Variants in PRUNE2 observed in about 807,000 individuals in gnomAD.
PRUNE2 encodes the protein protein prune homolog 2.
PRUNE2 carries 164 observed loss-of-function variants against 252.0 expected under a neutral mutation model. The ratio of observed to expected loss-of-function variants is 0.65; its 90% CI spans 0.57 to 0.74. The LOEUF (loss-of-function observed/expected upper bound fraction) is 0.74. Among genes scored for constraint, PRUNE2 ranks in the 30% least tolerant of loss-of-function variants. The probability of loss-of-function intolerance (pLI) is 0.00; values close to 1 mark genes in which losing one functional copy is unlikely to be tolerated. For synonymous variants in PRUNE2, 1,292 were observed against 1,350.2 expected (o/e 0.96, Z 0.94); for missense variants, 3,495 against 3,711.0 (o/e 0.94, Z 1.51).
chr9:76,711,745 C>A (rs2135031142), intron 7 of PRUNE2, among the ~76,000 whole-genome samples: 1 of 152,330 alleles, frequency 6.6e-6, no homozygotes, highest in African/African-American at 2.4e-5. Context: ...AATAAGGGGA[C>A]AATATCAGGA....
At chr9:76,642,301 A>G (rs1409350101) in intron 12 of PRUNE2, among the ~76,000 whole-genome samples, 2 of 152,240 alleles carry the variant, frequency 1.3e-5, no homozygotes, top group Non-Finnish European at 2.9e-5. Flanking sequence ...GTAATGTACC[A>G]AGGTTACAGA....
chr9:76,718,886 C>T (rs1390350200), intron 6 of PRUNE2, among the ~76,000 whole-genome samples: 1 of 152,194 alleles, frequency 6.6e-6, no homozygotes, highest in African/African-American at 2.4e-5. Context: ...AACCCAACAT[C>T]TAGGAATTAT....
chr9:76,683,064 C>G (rs2043647343), intron 9 of PRUNE2, among the ~76,000 whole-genome samples: 1 of 152,196 alleles, frequency 6.6e-6, no homozygotes, highest in South Asian at 2.1e-4. Context: ...ACCTCTATTC[C>G]CCTTTGGGGA....
At chr9:76,665,435 C>T (rs113584256) in intron 9 of PRUNE2, among the ~76,000 whole-genome samples, 2,826 of 152,240 alleles carry the variant, frequency 0.019, 89 homozygotes, top group African/African-American at 0.063. Context: ...GACCTCACCT[C>T]CTCCCCACAG....
chr9:76,713,432 C>T, intron 7 of PRUNE2, 131 bp downstream of exon 7: 1 of 578,412 alleles, frequency 1.7e-6, no homozygotes, highest in Non-Finnish European at 2.7e-6. Context: ...TCCTAAAACT[C>T]AAACCTCTAG....
chr9:76,894,527 A>G (rs926506072), intron 1 of PRUNE2, among the ~76,000 whole-genome samples: 2 of 152,124 alleles, frequency 1.3e-5, no homozygotes, highest in Admixed American at 6.5e-5. Context: ...TGACATTTCT[A>G]TCTTCTCAGA....
chr9:76,696,792 C>T (rs1198541791), intron 9 of PRUNE2, among the ~76,000 whole-genome samples: 1 of 152,224 alleles, frequency 6.6e-6, no homozygotes, highest in African/African-American at 2.4e-5. Flanking sequence ...GAGTGCCTCC[C>T]GCTGGCCGTG....
chr9:76,682,407 G>A (rs1328751859), intron 9 of PRUNE2, among the ~76,000 whole-genome samples: 1 of 148,946 alleles, frequency 6.7e-6, no homozygotes, highest in Non-Finnish European at 1.5e-5. Context: ...TGTTGCCCAG[G>A]CTAGAGTGCA....
intron 9 of PRUNE2, among the ~76,000 whole-genome samples, chr9:76,674,067 G>A (rs1220770573): frequency 2.0e-5 from 3 of 151,374 alleles, no homozygotes; most frequent in African/African-American, 7.3e-5. Context: ...CAATGAGGCA[G>A]GAGAAGGAAA....
intron 6 of PRUNE2, among the ~76,000 whole-genome samples, chr9:76,776,681 G>A (rs1445657127): frequency 6.6e-6 from 1 of 151,118 alleles, no homozygotes; most frequent in Non-Finnish European, 1.5e-5. Flanking sequence ...TGCCTAGCTA[G>A]TATTTCTAGT....
chr9:76,865,100 C>T (rs1032297483), intron 1 of PRUNE2, among the ~76,000 whole-genome samples: 5 of 152,176 alleles, frequency 3.3e-5, no homozygotes, highest in Non-Finnish European at 5.9e-5. Context: ...AGTTGAAACC[C>T]TTCAGTGATT....
chr9:76,900,718 C>T (rs530990895), intron 1 of PRUNE2, among the ~76,000 whole-genome samples: 18 of 152,224 alleles, frequency 1.2e-4, no homozygotes, highest in African/African-American at 4.1e-4. Flanking sequence ...CTCTCTGGTC[C>T]CCTGATATTG....
At chr9:76,893,404 A>G (rs917183051) in intron 1 of PRUNE2, among the ~76,000 whole-genome samples, 1 of 152,232 alleles carries the variant, frequency 6.6e-6, no homozygotes, top group African/African-American at 2.4e-5. Flanking sequence ...ACTTAAACAC[A>G]AGGAACCCTG....
At position 76,811,574 on chromosome 9, in the gene PRUNE2, AC is replaced by A. The variant is rs550724505; in HGVS notation, c.756+12057del. On this transcript the variant is annotated intron_variant, in intron 6 of 18. Coordinates refer to ENST00000376718, the MANE Select transcript of PRUNE2 (RefSeq NM_015225.3). ...GTTTCTCAGAAAGCCAGACATTGAG[AC>A]CTCATTTCCTTCATGAGTAAAAGGC... Among the ~76,000 whole-genome samples, 1,222 of 152,270 alleles carry A rather than the reference AC, an allele frequency of 8.0e-3. 13 individuals are homozygous for A. The highest frequency in any genetic ancestry group is 0.028 in the African/African-American group (1,169 of 41,554).
intron 6 of PRUNE2, among the ~76,000 whole-genome samples, chr9:76,754,150 A>T (rs1210805799): frequency 6.6e-6 from 1 of 152,100 alleles, no homozygotes; most frequent in Non-Finnish European, 1.5e-5. Flanking sequence ...AGTCCCTTAA[A>T]AATAAAAAAA....
chr9:76,872,397 G>A (rs181335044), intron 1 of PRUNE2, among the ~76,000 whole-genome samples: 1 of 152,220 alleles, frequency 6.6e-6, no homozygotes, highest in African/African-American at 2.4e-5. Flanking sequence ...TACAAGTCAT[G>A]GAAGAACAAT....
chr9:76,652,730 C>T, intron 10 of PRUNE2, 47 bp from the exon 11 acceptor site: 1 of 1,336,446 alleles, frequency 7.5e-7, no homozygotes, highest in Non-Finnish European at 1.1e-6. Context: ...ACCAGAGGAG[C>T]AATCTAAATC....
intron 6 of PRUNE2, among the ~76,000 whole-genome samples, chr9:76,780,265 A>C (rs1358616223): frequency 6.6e-6 from 1 of 152,096 alleles, no homozygotes; most frequent in African/African-American, 2.4e-5. Context: ...GCAGCTGCGC[A>C]CTCCCCCAAC....
Position 76,705,642 on chromosome 9 carries a change from C to T in PRUNE2, c.6632G>A (p.Ser2211Asn), listed in dbSNP as rs541929862. 94 of 1,614,038 alleles carry T rather than the reference C, an allele frequency of 5.8e-5. 1 individual carries two copies. The South Asian group carries it at 8.0e-4, about 14-fold the overall frequency. ...TGLQVSEKGA[S>N]PDMAPILEPV... ...TTCCAAAATTGGTGCCATATCTGGG[C>T]TGGCTCCTTTTTCTGATACTTGTAA... Residue 2211 changes from serine (S) to asparagine (N), a missense_variant, in exon 8 of 19, where the codon AGC (serine) becomes AAC (asparagine). Transcript: ENST00000376718.
Sources: gnomAD v4.1 joint callset for allele counts (sites outside exome capture counted in the v4.1 genomes callset) on GRCh38, gnomAD v4.1.1 for gene constraint, MANE v1.5 for transcripts, NCBI Gene and HGNC (gene_info 2026-07-23, HGNC 2026-07-21) for gene names.